Variants in POP5 observed in about 807,000 individuals in gnomAD.
The protein encoded by POP5 is POP5 ribonuclease P/MRP subunit.
Under a neutral mutation model 20.7 loss-of-function variants are expected in POP5, and 18 were observed. That is an observed-to-expected ratio of 0.87 (90% CI 0.60 to 1.29). The LOEUF is 1.29. Ranked by LOEUF, POP5 falls within the 50% of genes most tolerant of loss-of-function variation. The pLI is 0.00. For synonymous variants in POP5, 91 were observed against 78.0 expected (o/e 1.17, Z -0.88); for missense variants, 200 against 203.2 (o/e 0.98, Z 0.10).
At chr12:120,579,442 A>G (rs201521846) in intron 4 of POP5, 30 bp from the exon 5 acceptor site, 2 of 1,608,324 alleles carry the variant, frequency 1.2e-6, no homozygotes, top group South Asian at 1.1e-5. Flanking sequence ...GGGATGAAAG[A>G]TATCTTTGGG....
intron 2 of POP5, chr12:120,580,211 C>T: frequency 3.3e-6 from 1 of 301,866 alleles, no homozygotes; most frequent in Non-Finnish European, 6.2e-6. Flanking sequence ...TGCTGCACTC[C>T]AGCAGCCTGG....
In POP5 at chr12:120,579,505, G is replaced by A. The variant is rs1202523559; in HGVS notation, c.397+9C>T. On this transcript the variant is annotated intron_variant, in intron 4 of 4. Transcript: ENST00000357500. ...ACTGCTCAGTGGGCACTGGGCTAGTGTTGCTTACCTTCATCAGTGCAGTTC... is the reference window on the plus strand; with the variant it reads ...ACTGCTCAGTGGGCACTGGGCTAGTATTGCTTACCTTCATCAGTGCAGTTC... The A allele has an allele frequency of 6.2e-7, 1 of 1,613,144 alleles. No individual in the cohort carries two copies. The highest frequency in any genetic ancestry group is 1.1e-5 in the South Asian group (1 of 91,064).
rs1383402446 is a variant in POP5, at chr12:120,581,323, G to A, written c.20+20C>T. On this transcript the variant is annotated intron_variant, in intron 1 of 4. Coordinates refer to ENST00000357500, the MANE Select transcript of POP5 (RefSeq NM_015918.4). ...GAGGACCCAGCAAGGCACTGGGAGG[G>A]TCTGGAAGGGAATGCTTACCTGTGC... is the stretch of plus-strand genomic sequence containing the variant. The A allele has an allele frequency of 2.5e-6, 4 of 1,614,124 alleles. No individual in the cohort carries two copies. Among genetic ancestry groups the A allele is most frequent in the Non-Finnish European group, 1.7e-6 (2 of 1,180,008 alleles).
At chr12:120,579,635 G>A (rs944735386) in intron 3 of POP5, 38 bp from the exon 4 acceptor site, 6 of 1,590,182 alleles carry the variant, frequency 3.8e-6, no homozygotes, top group Non-Finnish European at 5.2e-6. Context: ...GCTTGTGAAA[G>A]ATCTCGACCT....
In POP5 at chr12:120,581,384, TC is replaced by T. The variant is rs760375185; in HGVS notation, c.-23del. The T allele has an allele frequency of 6.2e-7, 1 of 1,607,968 alleles. No homozygotes were observed. Among genetic ancestry groups the T allele is most frequent in the South Asian group, 1.1e-5 (1 of 90,264 alleles). ...CCATGGCTGCCTCCGCGCTCTCCGG[TC>T]CGGCGTGCAAACCGGATGTGAATTC... is the stretch of plus-strand genomic sequence containing the variant. On this transcript the variant is annotated 5_prime_UTR_variant, in exon 1 of 5. Transcript: ENST00000357500.
chr12:120,579,104 A>G lies in POP5; in HGVS notation c.*214T>C. On this transcript the variant is annotated 3_prime_UTR_variant, in exon 5 of 5. Coordinates refer to ENST00000357500, the MANE Select transcript of POP5 (RefSeq NM_015918.4). ...TCTTAGCCAAGCAATAAAGATGTCT[A>G]CAGAGTTCACAACCTGCAACACTTC... 3.4e-6 allele frequency: 2 copies of G among 596,492 alleles called. 1 individual carries two copies. The highest frequency in any genetic ancestry group is 4.0e-5 in the South Asian group (2 of 49,976). The allele number at this position is 596,492 out of a possible 1,614,324, so 36.9% of individuals were successfully genotyped here. A position where few individuals can be genotyped will look rare whatever the true frequency, so the allele number is the denominator to read the frequency against.
intron 2 of POP5, chr12:120,580,137 G>C (rs3829291): frequency 0.13 from 59,076 of 470,632 alleles, 4,487 homozygotes; most frequent in African/African-American, 0.27. Context: ...AGCCACTCAG[G>C]AGGCTGAGGC....
At chr12:120,581,299 A>G in intron 1 of POP5, 42 bp from the exon 2 acceptor site, 2 of 1,614,172 alleles carry the variant, frequency 1.2e-6, no homozygotes. Flanking sequence ...CGGGGCCGCG[A>G]GGACCCAGCA....
chr12:120,581,188 G>A lies in POP5; in HGVS notation c.90C>T (p.Ser30=), dbSNP rs2137289810. 6.2e-7 allele frequency: 1 copy of A among 1,614,032 alleles called. No homozygotes were observed. Among genetic ancestry groups the A allele is most frequent in the Admixed American group, 1.7e-5 (1 of 60,032 alleles). ...CRLSLDDRVL[S]SLVRDTIARV... is the part of the protein sequence containing the mutation. ...TGGCGATCGTGTCCCGTACGAGGCT[G>A]CTCAGAACTCGGTCATCGAGGCTTA... Residue 30 remains serine (S), a synonymous_variant, in exon 2 of 5, where the codon AGC becomes AGT. Coordinates refer to ENST00000357500, the MANE Select transcript of POP5 (RefSeq NM_015918.4).
At position 120,579,880 on chromosome 12, in the gene POP5, G is replaced by T. The variant is rs1401889045; in HGVS notation, c.207C>A (p.Cys69Ter). The T allele has an allele frequency of 6.2e-7, 1 of 1,612,398 alleles. No homozygotes were observed. Among genetic ancestry groups the T allele is most frequent in the Non-Finnish European group, 8.5e-7 (1 of 1,178,392 alleles). ...NAYTGIVLLR[C>*]RKEFYQLVWS... Reference sequence around the variant, plus strand: ...ACACAAGCTGATAGAATTCTTTTCTGCATCGAAGTAGCACTATTCCAGTAT... The same window carrying T: ...ACACAAGCTGATAGAATTCTTTTCTTCATCGAAGTAGCACTATTCCAGTAT... The change falls in exon 3 of 5, where the codon TGC becomes TGA. Residue 69 changes from cysteine to a stop codon, truncating the protein, a stop_gained. Coordinates refer to ENST00000357500, the MANE Select transcript of POP5 (RefSeq NM_015918.4). LOFTEE classifies it high-confidence loss of function.
At position 120,579,086 on chromosome 12, in the gene POP5, C is replaced by G; in HGVS notation, c.*232G>C. ...TACATTTATTAAATCTACTCTTAGC[C>G]AAGCAATAAAGATGTCTACAGAGTT... On this transcript the variant is annotated 3_prime_UTR_variant, in exon 5 of 5. Coordinates refer to ENST00000357500, the MANE Select transcript of POP5 (RefSeq NM_015918.4). 1 of 570,996 alleles carries G rather than the reference C, an allele frequency of 1.8e-6. No individual in the cohort carries two copies. The highest frequency in any genetic ancestry group is 3.1e-6 in the Non-Finnish European group (1 of 319,898). The allele number at this position is 570,996 out of a possible 1,614,324, so 35.4% of individuals were successfully genotyped here. A position where few individuals can be genotyped will look rare whatever the true frequency, so the allele number is the denominator to read the frequency against.
Position 120,581,237 on chromosome 12 carries a change from AC to A in POP5, c.40del (p.Val14CysfsTer9). ...FKHRYLLCEL[V>X]SDDPRCRLSL... is the part of the protein sequence containing the mutation. ...TAGGCGGCAGCGGGGGTCGTCAGAC[AC>A]CAGTTCGCAGAGCAGGTACCTGCGG... On this transcript the variant is annotated frameshift_variant, in exon 2 of 5. Coordinates refer to ENST00000357500, the MANE Select transcript of POP5 (RefSeq NM_015918.4). LOFTEE classifies it high-confidence loss of function. 2 of 1,614,170 alleles carry A rather than the reference AC, an allele frequency of 1.2e-6. No individual in the cohort carries two copies. Among genetic ancestry groups the A allele is most frequent in the African/African-American group, 1.3e-5 (1 of 75,054 alleles).
rs1367874901 is a variant in POP5, at chr12:120,581,326, T to C, written c.20+17A>G. ...GACCCAGCAAGGCACTGGGAGGGTC[T>C]GGAAGGGAATGCTTACCTGTGCTTG... is the stretch of plus-strand genomic sequence containing the variant. On this transcript the variant is annotated intron_variant, in intron 1 of 4. Transcript: ENST00000357500. 6.2e-7 allele frequency: 1 copy of C among 1,614,030 alleles called. No homozygotes were observed. The highest frequency in any genetic ancestry group is 1.1e-5 in the South Asian group (1 of 91,062).
chr12:120,579,977 C>T (rs576558998), intron 2 of POP5, 54 bp from the exon 3 acceptor site: 58 of 1,545,116 alleles, frequency 3.8e-5, no homozygotes, highest in Admixed American at 1.7e-4. Context: ...TGTGGTGGCT[C>T]ACGCCTGTAA....
rs1240673948 is a variant in POP5, at chr12:120,579,421, G to T, written c.398-9C>A. ...GATAGCTTCCCGCTCTCCTGGAGAAGGCAGATAACAGGGATGAAAGATATC... is the reference window on the plus strand; with the variant it reads ...GATAGCTTCCCGCTCTCCTGGAGAATGCAGATAACAGGGATGAAAGATATC... On this transcript the variant is annotated splice_polypyrimidine_tract_variant and intron_variant, in intron 4 of 4. Transcript: ENST00000357500. The T allele has an allele frequency of 6.2e-7, 1 of 1,611,954 alleles. No individual in the cohort carries two copies. Among genetic ancestry groups the T allele is most frequent in the African/African-American group, 1.3e-5 (1 of 74,882 alleles).
chr12:120,579,249 C>A lies in POP5; in HGVS notation c.*69G>T. Reference sequence around the variant, plus strand: ...AACTGTGGAAGATGCTGTTGCTACCCAGATTGTTCTGTTCAACAAGTGGGC... The same window carrying A: ...AACTGTGGAAGATGCTGTTGCTACCAAGATTGTTCTGTTCAACAAGTGGGC... On this transcript the variant is annotated 3_prime_UTR_variant, in exon 5 of 5. Transcript: ENST00000357500. The A allele has an allele frequency of 7.3e-7, 1 of 1,369,984 alleles. No homozygotes were observed. The highest frequency in any genetic ancestry group is 1.0e-6 in the Non-Finnish European group (1 of 959,524). 84.9% of individuals were successfully genotyped at this position (1,369,984 alleles called of 1,614,324 possible).
intron 3 of POP5, 70 bp downstream of exon 3, chr12:120,579,704 C>G: frequency 1.3e-6 from 2 of 1,551,948 alleles, no homozygotes; most frequent in South Asian, 2.2e-5. Context: ...CAAGACCCAC[C>G]CACCAGTTTA....
intron 2 of POP5, among the ~76,000 whole-genome samples, chr12:120,580,382 GAAT>G (rs1877800874): frequency 6.6e-6 from 1 of 152,194 alleles, no homozygotes; most frequent in Non-Finnish European, 1.5e-5. Flanking sequence ...ACTGGTGAAT[GAAT>G]TTAGAATTGA....
intron 2 of POP5, chr12:120,580,874 T>C: frequency 1.8e-6 from 1 of 571,070 alleles, no homozygotes; most frequent in East Asian, 3.0e-5. Context: ...ATTACAGAAA[T>C]TACCTGTCAA....
Sources: gnomAD v4.1 joint callset for allele counts (sites outside exome capture counted in the v4.1 genomes callset) on GRCh38, gnomAD v4.1.1 for gene constraint, MANE v1.5 for transcripts, NCBI Gene and HGNC (gene_info 2026-07-23, HGNC 2026-07-21) for gene names.